The following AMBRA1 variants were observed in gnomAD, a reference collection of about 807,000 sequenced individuals.
AMBRA1 encodes the protein autophagy and beclin 1 regulator 1, also known as activating molecule in BECN1-regulated autophagy protein 1.
A neutral mutation model predicts 125.4 loss-of-function variants in AMBRA1; 47 were observed. The ratio of observed to expected loss-of-function variants is 0.37; its 90% CI spans 0.30 to 0.48. The LOEUF is 0.48. Ranked by LOEUF, AMBRA1 falls within the 20% of genes least tolerant of loss-of-function variation. AMBRA1 has a pLI of 0.99. For missense variants in AMBRA1, 1,331 were observed against 1,693.4 expected (o/e 0.79, Z 3.76); for synonymous variants, 626 against 655.5 (o/e 0.95, Z 0.69).
At chr11:46,417,664 GA>G (rs983942628) in intron 15 of AMBRA1, among the ~76,000 whole-genome samples, 8 of 150,758 alleles carry the variant, frequency 5.3e-5, no homozygotes, top group Admixed American at 4.0e-4. Flanking sequence ...GGAAAACAAA[GA>G]AAAAAAAATA....
At chr11:46,496,326 G>A (rs910796174) in intron 9 of AMBRA1, among the ~76,000 whole-genome samples, 2 of 152,156 alleles carry the variant, frequency 1.3e-5, no homozygotes, top group Admixed American at 6.5e-5. Context: ...AGGTTGCAGT[G>A]AGCTGAAATT....
intron 14 of AMBRA1, among the ~76,000 whole-genome samples, chr11:46,422,676 T>C (rs542349352): frequency 6.6e-6 from 1 of 152,164 alleles, no homozygotes; most frequent in African/African-American, 2.4e-5. Flanking sequence ...TGGTCGTATT[T>C]TTTTTCCCCT....
intron 1 of AMBRA1, among the ~76,000 whole-genome samples, chr11:46,585,314 C>G (rs2044329105): frequency 6.6e-6 from 1 of 151,432 alleles, no homozygotes; most frequent in South Asian, 2.1e-4. Context: ...CCTGCCAAAT[C>G]CCCCTCTGCG....
intron 11 of AMBRA1, among the ~76,000 whole-genome samples, chr11:46,460,623 T>A (rs192738041): frequency 3.3e-5 from 5 of 152,278 alleles, no homozygotes; most frequent in African/African-American, 7.2e-5. Flanking sequence ...GCGTCCAGCA[T>A]AAACACAACT....
chr11:46,568,934 G>A (rs2043646342), intron 1 of AMBRA1, among the ~76,000 whole-genome samples: 1 of 148,962 alleles, frequency 6.7e-6, no homozygotes, highest in African/African-American at 2.5e-5. Context: ...AGTCTCCCAA[G>A]TTGCTGAGAC....
At chr11:46,590,607 T>C (rs1299804323) in intron 1 of AMBRA1, among the ~76,000 whole-genome samples, 1 of 152,172 alleles carries the variant, frequency 6.6e-6, no homozygotes, top group Non-Finnish European at 1.5e-5. Context: ...TCTTTAATCA[T>C]CTCCAAGAAC....
intron 7 of AMBRA1, among the ~76,000 whole-genome samples, chr11:46,525,435 T>C (rs1267458158): frequency 6.6e-6 from 1 of 151,712 alleles, no homozygotes; most frequent in Non-Finnish European, 1.5e-5. Flanking sequence ...CTGTCTCTAC[T>C]AAAAATACAA....
At chr11:46,572,513 G>A (rs906350020) in intron 1 of AMBRA1, among the ~76,000 whole-genome samples, 16 of 152,134 alleles carry the variant, frequency 1.1e-4, no homozygotes, top group Non-Finnish European at 1.9e-4. Flanking sequence ...GTTTAAAAAC[G>A]AACTTCATCA....
intron 1 of AMBRA1, among the ~76,000 whole-genome samples, chr11:46,590,947 A>T (rs1319113168): frequency 6.6e-6 from 1 of 152,024 alleles, no homozygotes; most frequent in Non-Finnish European, 1.5e-5. Flanking sequence ...AAAGAAAAAA[A>T]GCTGAATGAA....
intron 7 of AMBRA1, among the ~76,000 whole-genome samples, chr11:46,520,598 C>CTTT (rs148775052): frequency 2.1e-5 from 3 of 140,408 alleles, no homozygotes; most frequent in African/African-American, 7.9e-5. Flanking sequence ...TTTTTCTTTT[C>CTTT]TTTTTTTTTT....
chr11:46,476,357 G>A (rs1436856534), intron 11 of AMBRA1, among the ~76,000 whole-genome samples: 2 of 152,172 alleles, frequency 1.3e-5, no homozygotes, highest in Non-Finnish European at 2.9e-5. Context: ...GGCAGAGCAA[G>A]CACACTGTTT....
chr11:46,522,067 G>T (rs1208962922), intron 7 of AMBRA1, among the ~76,000 whole-genome samples: 1 of 152,138 alleles, frequency 6.6e-6, no homozygotes, highest in African/African-American at 2.4e-5. Context: ...CAACATAATC[G>T]CAGACAGCAA....
rs561419649 is a variant in AMBRA1, at chr11:46,402,301, T to C, written c.3404-4358A>G. Among the ~76,000 whole-genome samples, 70 of 152,338 alleles carry C rather than the reference T, an allele frequency of 4.6e-4. 1 individual carries two copies. The highest frequency in any genetic ancestry group is 1.6e-3 in the African/African-American group (65 of 41,570). ...GGGCTCCCAGGCTCCTCACAGGGGC[T>C]CCAGACTTAAGGATGCTTGGAAAAC... On this transcript the variant is annotated intron_variant, in intron 17 of 17. Coordinates refer to ENST00000683756, the MANE Select transcript of AMBRA1 (RefSeq NM_001387011.1).
chr11:46,468,376 G>GA (rs1014675817), intron 11 of AMBRA1, among the ~76,000 whole-genome samples: 7 of 150,746 alleles, frequency 4.6e-5, no homozygotes, highest in Non-Finnish European at 7.4e-5. Flanking sequence ...CTCATCTCTT[G>GA]AAAAAAAAGA....
chr11:46,547,061 A>G, intron 4 of AMBRA1, 52 bp downstream of exon 4: 2 of 1,539,064 alleles, frequency 1.3e-6, no homozygotes, highest in Non-Finnish European at 1.7e-6. Context: ...TCCGTCTCAA[A>G]AAAAAAAAAT....
chr11:46,436,358 T>A (rs2136720229), intron 12 of AMBRA1, among the ~76,000 whole-genome samples: 1 of 152,326 alleles, frequency 6.6e-6, no homozygotes, highest in Middle Eastern at 3.4e-3. Context: ...TGACAGTGTA[T>A]ATCAAAAAAG....
At chr11:46,397,988 T>C (rs1590695112) in intron 17 of AMBRA1, 45 bp from the exon 18 acceptor site, 1 of 1,538,812 alleles carries the variant, frequency 6.5e-7, no homozygotes, top group Non-Finnish European at 8.7e-7. Context: ...GCTGCTGGCC[T>C]GGGCCTCTGA....
intron 1 of AMBRA1, among the ~76,000 whole-genome samples, chr11:46,592,872 G>A (rs1225985962): frequency 1.3e-5 from 2 of 152,042 alleles, no homozygotes. Context: ...TCCTCTACTA[G>A]ACTCTAACCT....
At chr11:46,565,875 T>C (rs1371410598) in intron 1 of AMBRA1, among the ~76,000 whole-genome samples, 1 of 151,970 alleles carries the variant, frequency 6.6e-6, no homozygotes, top group Non-Finnish European at 1.5e-5. Flanking sequence ...CAGGCTCAAG[T>C]GATCCTCCCA....
Sources: allele counts gnomAD v4.1 joint callset (sites outside exome capture counted in the v4.1 genomes callset), GRCh38; gene constraint gnomAD v4.1.1; transcripts MANE v1.5; gene names NCBI Gene and HGNC (gene_info 2026-07-23, HGNC 2026-07-21).